The following CHRM3 variants were observed in gnomAD, a reference collection of about 807,000 sequenced individuals.
CHRM3 encodes the protein muscarinic acetylcholine receptor M3.
In CHRM3, 11 loss-of-function variants were observed where a neutral mutation model predicts 41.8. The observed-to-expected ratio is 0.26, with a 90% confidence interval of 0.17 to 0.44. CHRM3 has a LOEUF of 0.44. CHRM3 is among the 20% of genes least tolerant of loss of function. The pLI, the probability that CHRM3 is intolerant of heterozygous loss-of-function variation, is 1.00. For missense variants in CHRM3, 571 were observed against 745.4 expected, an observed-to-expected ratio of 0.77 and a Z score of 2.72; for synonymous variants, 297 against 301.4, an observed-to-expected ratio of 0.99 and a Z score of 0.15.
chr1:239,673,025 C>T (rs1288273749), intron 4 of CHRM3, among the ~76,000 whole-genome samples: 1 of 152,142 alleles, frequency 6.6e-6, no homozygotes, highest in Non-Finnish European at 1.5e-5. Flanking sequence ...GTTTACCATT[C>T]TTCCTACATG....
At chr1:239,759,314 T>TAAA in intron 5 of CHRM3, among the ~76,000 whole-genome samples, 1 of 146,270 alleles carries the variant, frequency 6.8e-6, no homozygotes, top group African/African-American at 2.6e-5. Context: ...CACATTATTT[T>TAAA]GAAAAAAAAA....
intron 3 of CHRM3, among the ~76,000 whole-genome samples, chr1:239,576,269 AC>A (rs777139499): frequency 8.0e-6 from 1 of 125,208 alleles, no homozygotes; most frequent in Admixed American, 8.6e-5. Flanking sequence ...TCTACTCCCT[AC>A]CCACCCCCAT....
intron 1 of CHRM3, among the ~76,000 whole-genome samples, chr1:239,447,932 A>G (rs976665100): frequency 1.3e-5 from 2 of 152,170 alleles, no homozygotes; most frequent in Non-Finnish European, 1.5e-5. Context: ...TCATCATTCA[A>G]TGTTAGATCC....
At chr1:239,656,347 T>G (rs4659551) in intron 4 of CHRM3, among the ~76,000 whole-genome samples, 78,146 of 151,204 alleles carry the variant, frequency 0.52, 20,735 homozygotes, top group East Asian at 0.72. Flanking sequence ...AAGGGTTAGG[T>G]ATGATAGCTC....
intron 5 of CHRM3, among the ~76,000 whole-genome samples, chr1:239,769,609 A>T (rs1227339112): frequency 1.3e-5 from 2 of 151,998 alleles, no homozygotes; most frequent in African/African-American, 4.8e-5. Flanking sequence ...GTTTAGAATT[A>T]TTTGTGTGGC....
intron 1 of CHRM3, among the ~76,000 whole-genome samples, chr1:239,389,295 T>C (rs1572127964): frequency 6.6e-6 from 1 of 152,226 alleles, no homozygotes; most frequent in South Asian, 2.1e-4. Flanking sequence ...TAAGCTTATT[T>C]AGGAAAGTTT....
intron 4 of CHRM3, among the ~76,000 whole-genome samples, chr1:239,639,702 T>C (rs1670888035): frequency 6.6e-6 from 1 of 151,920 alleles, no homozygotes; most frequent in African/African-American, 2.4e-5. Flanking sequence ...AATCATGTTG[T>C]CTGCAAACAG....
At chr1:239,829,420 A>T (rs1042314900) in intron 6 of CHRM3, among the ~76,000 whole-genome samples, 22 of 152,168 alleles carry the variant, frequency 1.4e-4, no homozygotes, top group Non-Finnish European at 3.2e-4. Flanking sequence ...TTTTTTGAAA[A>T]AGAAAAGAAA....
At chr1:239,505,166 C>T (rs1055882651) in intron 2 of CHRM3, among the ~76,000 whole-genome samples, 15 of 152,066 alleles carry the variant, frequency 9.9e-5, no homozygotes, top group Non-Finnish European at 1.8e-4. Context: ...AATTAGGGCT[C>T]ATATAAGTTC....
chr1:239,446,023 T>C (rs1169471825), intron 1 of CHRM3, among the ~76,000 whole-genome samples: 1 of 152,002 alleles, frequency 6.6e-6, no homozygotes. Context: ...CTGCAGCCTC[T>C]GCCTCCCGGG....
At chr1:239,511,108 A>G (rs1668890339) in intron 2 of CHRM3, among the ~76,000 whole-genome samples, 2 of 152,198 alleles carry the variant, frequency 1.3e-5, no homozygotes, top group Admixed American at 6.5e-5. Flanking sequence ...GAGCAGCCTC[A>G]TGTGTTCTTT....
chr1:239,584,089 A>G (rs1304961501), intron 3 of CHRM3, among the ~76,000 whole-genome samples: 5 of 150,158 alleles, frequency 3.3e-5, no homozygotes, highest in Non-Finnish European at 7.4e-5. Flanking sequence ...TTGGATTCGA[A>G]TTAGTCATTC....
chr1:239,859,607 G>T (rs183534001), intron 6 of CHRM3, among the ~76,000 whole-genome samples: 8 of 150,884 alleles, frequency 5.3e-5, no homozygotes, highest in African/African-American at 1.5e-4. Flanking sequence ...GTAGAGATGG[G>T]GTTTCACCAT....
intron 2 of CHRM3, among the ~76,000 whole-genome samples, chr1:239,537,532 C>T (rs1658324351): frequency 1.3e-5 from 2 of 152,108 alleles, no homozygotes; most frequent in African/African-American, 4.8e-5. Context: ...CTGGGGATTC[C>T]ATCTCAACAT....
chr1:239,681,357 A>T (rs993922220), intron 5 of CHRM3, among the ~76,000 whole-genome samples: 2 of 152,188 alleles, frequency 1.3e-5, no homozygotes, highest in Non-Finnish European at 2.9e-5. Context: ...TTTAATTGGG[A>T]TTTATAAAGA....
At chr1:239,525,537 A>G (rs1334358549) in intron 2 of CHRM3, among the ~76,000 whole-genome samples, 1 of 152,126 alleles carries the variant, frequency 6.6e-6, no homozygotes, top group Non-Finnish European at 1.5e-5. Context: ...TTAGGATCTG[A>G]TCCCAAAGTT....
At chr1:239,493,419 T>C (rs978514197) in intron 2 of CHRM3, among the ~76,000 whole-genome samples, 2 of 152,332 alleles carry the variant, frequency 1.3e-5, no homozygotes, top group African/African-American at 4.8e-5. Context: ...AGATGAATTT[T>C]TCTAAAAAAT....
intron 5 of CHRM3, among the ~76,000 whole-genome samples, chr1:239,804,842 ATCTGTC>A: frequency 6.6e-6 from 1 of 151,944 alleles, no homozygotes; most frequent in South Asian, 2.1e-4. Context: ...TTTCCCCTTA[ATCTGTC>A]TCTGTCCGGC....
At chr1:239,823,073 A>G (rs1672181293) in intron 5 of CHRM3, among the ~76,000 whole-genome samples, 2 of 152,232 alleles carry the variant, frequency 1.3e-5, no homozygotes, top group Admixed American at 6.5e-5. Context: ...AATGGTAGAC[A>G]GTTTATCACA....
Sources: gnomAD v4.1 joint callset for allele counts (sites outside exome capture counted in the v4.1 genomes callset) on GRCh38, gnomAD v4.1.1 for gene constraint, MANE v1.5 for transcripts, NCBI Gene and HGNC (gene_info 2026-07-23, HGNC 2026-07-21) for gene names.